The following PTPRD variants were observed in gnomAD, a reference collection of about 807,000 sequenced individuals.
PTPRD encodes the protein receptor-type tyrosine-protein phosphatase delta.
In PTPRD, 34 loss-of-function variants were observed where a neutral mutation model predicts 214.5. That is an observed-to-expected ratio of 0.16 (90% CI 0.12 to 0.21). The LOEUF (loss-of-function observed/expected upper bound fraction) is 0.21. Among genes scored for constraint, PTPRD ranks in the 10% least tolerant of loss-of-function variants. The pLI is 1.00. For missense variants in PTPRD, 2,545 were observed against 2,398.7 expected, an observed-to-expected ratio of 1.06 and a Z score of -1.27; for synonymous variants, 1,128 against 845.7, an observed-to-expected ratio of 1.33 and a Z score of -5.79.
At chr9:10,568,013 C>T (rs534007575) in intron 2 of PTPRD, among the ~76,000 whole-genome samples, 5 of 151,038 alleles carry the variant, frequency 3.3e-5, no homozygotes, top group Non-Finnish European at 7.4e-5. Flanking sequence ...ACTTGCACAA[C>T]GTGCAGGTTT....
intron 9 of PTPRD, among the ~76,000 whole-genome samples, chr9:9,226,133 T>C (rs952352950): frequency 6.6e-6 from 1 of 151,914 alleles, no homozygotes; most frequent in Non-Finnish European, 1.5e-5. Flanking sequence ...AAGGCTGCTT[T>C]ATATGAGATA....
At chr9:8,702,652 C>A (rs116567132) in intron 12 of PTPRD, among the ~76,000 whole-genome samples, 1 of 152,180 alleles carries the variant, frequency 6.6e-6, no homozygotes, top group Non-Finnish European at 1.5e-5. Flanking sequence ...CTTGCTATGT[C>A]GCCCCAGCTG....
chr9:10,306,948 T>C (rs1458861571), intron 3 of PTPRD, among the ~76,000 whole-genome samples: 4 of 152,128 alleles, frequency 2.6e-5, no homozygotes, highest in Admixed American at 6.6e-5. Context: ...TATTGATTCA[T>C]ACTATTTGAA....
At chr9:9,624,277 T>TTTTG (rs1554723862) in intron 7 of PTPRD, among the ~76,000 whole-genome samples, 31 of 151,650 alleles carry the variant, frequency 2.0e-4, no homozygotes, top group Admixed American at 1.0e-3. Flanking sequence ...CTAGTTTTTT[T>TTTTG]TTTGTTTGTT....
At chr9:10,229,356 A>G (rs573919157) in intron 3 of PTPRD, among the ~76,000 whole-genome samples, 1 of 152,200 alleles carries the variant, frequency 6.6e-6, no homozygotes, top group East Asian at 1.9e-4. Flanking sequence ...TACTGGGTAT[A>G]TACCCAAAGG....
At position 8,316,983 on chromosome 9, in the gene PTPRD, A is replaced by ATATG. The variant is rs149110910; in HGVS notation, c.*887_*890dup. On this transcript the variant is annotated 3_prime_UTR_variant, in exon 46 of 46. Transcript: ENST00000381196. ...TTATAAAATATGGATATATATGTAT[A>ATATG]TATGTTAGCAGCAACTTTATACTTT... 8.0e-3 allele frequency: 1,861 copies of ATATG among 231,638 alleles called. 23 individuals carry two copies. Among genetic ancestry groups the ATATG allele is most frequent in the African/African-American group, 0.039 (1,777 of 45,280 alleles). The allele number at this position is 231,638 out of a possible 1,614,324, so 14.3% of individuals were successfully genotyped here.
At chr9:8,672,511 G>C (rs950294450) in intron 12 of PTPRD, among the ~76,000 whole-genome samples, 3 of 151,962 alleles carry the variant, frequency 2.0e-5, no homozygotes, top group African/African-American at 4.8e-5. Context: ...TGACATGCTA[G>C]GGTTCCTTGT....
chr9:10,034,407 CTTTTTTT>C (rs56827836), intron 3 of PTPRD, among the ~76,000 whole-genome samples: 414 of 89,530 alleles, frequency 4.6e-3, no homozygotes, highest in African/African-American at 0.015. Context: ...CCTGGCTCTA[CTTTTTTT>C]TTTTTTTTTT....
At chr9:10,157,818 C>A (rs1323007516) in intron 3 of PTPRD, among the ~76,000 whole-genome samples, 1 of 151,980 alleles carries the variant, frequency 6.6e-6, no homozygotes, top group Non-Finnish European at 1.5e-5. Flanking sequence ...TCATGCTTTT[C>A]ATTAGTTTTA....
chr9:9,519,175 A>C (rs1025261508), intron 8 of PTPRD, among the ~76,000 whole-genome samples: 3 of 151,972 alleles, frequency 2.0e-5, no homozygotes, highest in African/African-American at 7.2e-5. Context: ...AACATTACCC[A>C]TCTAAATAGT....
intron 39 of PTPRD, among the ~76,000 whole-genome samples, chr9:8,352,263 G>A (rs2075719703): frequency 6.6e-6 from 1 of 152,078 alleles, no homozygotes; most frequent in South Asian, 2.1e-4. Flanking sequence ...TGCCGCAGCA[G>A]GTCTCATTTT....
At chr9:9,764,300 C>G (rs112277116) in intron 6 of PTPRD, among the ~76,000 whole-genome samples, 2 of 152,086 alleles carry the variant, frequency 1.3e-5, no homozygotes, top group African/African-American at 4.8e-5. Flanking sequence ...ATCATACTAA[C>G]AAAACCTAAA....
chr9:10,205,596 A>G (rs139923754), intron 3 of PTPRD, among the ~76,000 whole-genome samples: 215 of 151,988 alleles, frequency 1.4e-3, no homozygotes, highest in African/African-American at 5.0e-3. Flanking sequence ...TAGTAAAGAC[A>G]GTGTTTCCCT....
intron 8 of PTPRD, among the ~76,000 whole-genome samples, chr9:9,490,946 A>T (rs2095867588): frequency 7.5e-6 from 1 of 132,596 alleles, no homozygotes; most frequent in Non-Finnish European, 1.6e-5. Flanking sequence ...GTACTGTCTA[A>T]ATGAACTATA....
intron 2 of PTPRD, among the ~76,000 whole-genome samples, chr9:10,561,631 G>C (rs2063990565): frequency 6.6e-6 from 1 of 152,110 alleles, no homozygotes; most frequent in South Asian, 2.1e-4. Flanking sequence ...TGGTGATTCA[G>C]TTCAAAGTGC....
intron 4 of PTPRD, among the ~76,000 whole-genome samples, chr9:9,950,144 C>T (rs1202451142): frequency 2.0e-5 from 3 of 152,152 alleles, no homozygotes; most frequent in Non-Finnish European, 2.9e-5. Flanking sequence ...TGACAACGAC[C>T]TTTGTGTGAA....
At chr9:10,101,179 G>A (rs1432127887) in intron 3 of PTPRD, among the ~76,000 whole-genome samples, 2 of 151,608 alleles carry the variant, frequency 1.3e-5, no homozygotes, top group South Asian at 2.1e-4. Flanking sequence ...GCTCATGACT[G>A]AGAGGAACCC....
chr9:10,259,064 C>T (rs1003823021), intron 3 of PTPRD, among the ~76,000 whole-genome samples: 2 of 151,952 alleles, frequency 1.3e-5, no homozygotes, highest in Admixed American at 6.5e-5. Flanking sequence ...ACTCTGTCGC[C>T]CAGGCTGGAG....
chr9:9,749,556 C>G lies in PTPRD; in HGVS notation c.-325-14985G>C, dbSNP rs572311904. 5.6e-4 allele frequency among the ~76,000 whole-genome samples: 86 copies of G among 152,220 alleles called. 1 individual carries two copies. The highest frequency in any genetic ancestry group is 1.1e-3 in the Non-Finnish European group (73 of 68,002). On this transcript the variant is annotated intron_variant, in intron 6 of 45. Coordinates refer to ENST00000381196, the MANE Select transcript of PTPRD (RefSeq NM_002839.4). Reference sequence around the variant, plus strand: ...TATTATCAGATCAATCATTGTTTAACAGTCTTAATTCCTTTCATGACTCCA... The same window carrying G: ...TATTATCAGATCAATCATTGTTTAAGAGTCTTAATTCCTTTCATGACTCCA...
Sources: gnomAD v4.1 joint callset for allele counts (sites outside exome capture counted in the v4.1 genomes callset) on GRCh38, gnomAD v4.1.1 for gene constraint, MANE v1.5 for transcripts, NCBI Gene and HGNC (gene_info 2026-07-23, HGNC 2026-07-21) for gene names.